The following DAP3 variants were observed in gnomAD, a reference collection of about 807,000 sequenced individuals.
DAP3 encodes the protein death associated protein 3, also known as small ribosomal subunit protein mS29.
In DAP3, 28 loss-of-function variants were observed where a neutral mutation model predicts 51.9. The ratio of observed to expected loss-of-function variants is 0.54; its 90% confidence interval spans 0.40 to 0.74. DAP3 has a LOEUF of 0.74. Among genes scored for constraint, DAP3 ranks in the 30% least tolerant of loss-of-function variants. The probability of loss-of-function intolerance (pLI) is 0.00; values close to 1 mark genes in which losing one functional copy is unlikely to be tolerated. For missense variants in DAP3, 458 were observed against 483.5 expected (o/e 0.95, Z 0.49); for synonymous variants, 170 against 170.3 (o/e 1.00, Z 0.01).
chr1:155,721,438 A>G (rs1658005519), intron 3 of DAP3, 79 bp from the exon 4 acceptor site: 7 of 1,081,528 alleles, frequency 6.5e-6, no homozygotes, highest in Non-Finnish European at 9.8e-6. Flanking sequence ...ATACATATAT[A>G]CACACACATA....
chr1:155,696,993 G>A (rs1023580819), intron 1 of DAP3, among the ~76,000 whole-genome samples: 8 of 152,278 alleles, frequency 5.3e-5, no homozygotes, highest in East Asian at 1.9e-4. Flanking sequence ...CTTGCAAGTC[G>A]GTCAGCATGC....
chr1:155,709,748 T>C (rs1301082967), intron 1 of DAP3, 25 bp from the exon 2 acceptor site: 1 of 1,600,538 alleles, frequency 6.2e-7, no homozygotes, highest in Non-Finnish European at 8.5e-7. Context: ...GGTTTACCTT[T>C]TCACTTTTTT....
At chr1:155,701,032 G>A (rs1163052776) in intron 1 of DAP3, among the ~76,000 whole-genome samples, 2 of 127,808 alleles carry the variant, frequency 1.6e-5, no homozygotes, top group African/African-American at 3.9e-5. Context: ...CCGGCCAGCC[G>A]CCCCCTCCGG....
intron 1 of DAP3, among the ~76,000 whole-genome samples, chr1:155,697,369 C>A (rs551862645): frequency 6.6e-6 from 1 of 152,152 alleles, no homozygotes; most frequent in African/African-American, 2.4e-5. Context: ...GTAGAAATCA[C>A]CTCCGGTATC....
chr1:155,708,553 T>C (rs1043407137), intron 1 of DAP3, among the ~76,000 whole-genome samples: 6 of 146,684 alleles, frequency 4.1e-5, no homozygotes, highest in Non-Finnish European at 9.0e-5. Flanking sequence ...TTTTTTTTTT[T>C]TTTTTTGAGA....
upstream of DAP3, chr1:155,688,251 C>G: frequency 6.2e-7 from 1 of 1,607,868 alleles, no homozygotes; most frequent in Non-Finnish European, 8.5e-7. Context: ...GCTAAAGGGG[C>G]AAACTGAGAG....
At chr1:155,712,167 ATCT>A (rs1164836714) in intron 2 of DAP3, among the ~76,000 whole-genome samples, 1 of 152,222 alleles carries the variant, frequency 6.6e-6, no homozygotes, top group African/African-American at 2.4e-5. Context: ...CATCACGGTG[ATCT>A]TCTAGATTGG....
chr1:155,716,568 A>T (rs1001469721), intron 2 of DAP3, among the ~76,000 whole-genome samples: 4 of 151,076 alleles, frequency 2.6e-5, no homozygotes, highest in Non-Finnish European at 5.9e-5. Flanking sequence ...GTGAGACTCC[A>T]TCTCAAAAAA....
At chr1:155,702,668 A>T (rs1426462562) in intron 1 of DAP3, among the ~76,000 whole-genome samples, 1 of 151,950 alleles carries the variant, frequency 6.6e-6, no homozygotes, top group East Asian at 1.9e-4. Flanking sequence ...CTTGGCATCC[A>T]TGTTGAAAAT....
chr1:155,728,623 G>T (rs1658858175), intron 7 of DAP3, among the ~76,000 whole-genome samples: 1 of 151,940 alleles, frequency 6.6e-6, no homozygotes, highest in African/African-American at 2.4e-5. Flanking sequence ...ATTTTGGGAG[G>T]CCGAGGTGGG....
chr1:155,736,235 G>A (rs1300408663), intron 11 of DAP3, among the ~76,000 whole-genome samples: 1 of 152,094 alleles, frequency 6.6e-6, no homozygotes, highest in Non-Finnish European at 1.5e-5. Context: ...CAGGCGATCT[G>A]CCCTCCTTGG....
chr1:155,711,366 G>A (rs61817763), intron 2 of DAP3, among the ~76,000 whole-genome samples: 19,377 of 151,950 alleles, frequency 0.13, 1,637 homozygotes, highest in Non-Finnish European at 0.19. Context: ...GGTGGCACAC[G>A]CCTGTAATCC....
intron 1 of DAP3, among the ~76,000 whole-genome samples, chr1:155,701,179 G>A (rs1334012204): frequency 1.2e-4 from 13 of 104,452 alleles, no homozygotes; most frequent in East Asian, 2.9e-4. Context: ...TGGGAGGTGT[G>A]CCCAACAGCT....
chr1:155,723,842 G>A (rs960262527), intron 4 of DAP3, among the ~76,000 whole-genome samples: 2 of 151,994 alleles, frequency 1.3e-5, no homozygotes, highest in Non-Finnish European at 2.9e-5. Flanking sequence ...AGTTCAAGAT[G>A]AGCCTGGCCA....
At chr1:155,717,817 A>C (rs1256388873) in intron 3 of DAP3, among the ~76,000 whole-genome samples, 1 of 152,106 alleles carries the variant, frequency 6.6e-6, no homozygotes, top group Admixed American at 6.6e-5. Flanking sequence ...GCAGCATTTA[A>C]AGTGAATTTT....
At chr1:155,689,244 G>C (rs886755965) in intron 1 of DAP3, 70 bp downstream of exon 1, 3 of 682,152 alleles carry the variant, frequency 4.4e-6, no homozygotes, top group Non-Finnish European at 8.0e-6. Context: ...CCTCCAGGAG[G>C]TAGGGAGTGA....
At chr1:155,700,369 A>G (rs535027808) in intron 1 of DAP3, among the ~76,000 whole-genome samples, 1 of 152,378 alleles carries the variant, frequency 6.6e-6, no homozygotes, top group South Asian at 2.1e-4. Flanking sequence ...CCCTTGAAGT[A>G]CAAGTGTCTG....
chr1:155,703,600 T>C (rs895217392), intron 1 of DAP3, among the ~76,000 whole-genome samples: 1 of 152,154 alleles, frequency 6.6e-6, no homozygotes, highest in Non-Finnish European at 1.5e-5. Flanking sequence ...TGCAGTGGCA[T>C]GAACTTGGCT....
Position 155,731,953 on chromosome 1 carries a change from G to A in DAP3, c.913G>A (p.Ala305Thr), listed in dbSNP as rs369936772. 29 of 1,609,220 alleles carry A rather than the reference G, an allele frequency of 1.8e-5. No individual in the cohort carries two copies. The highest frequency in any genetic ancestry group is 1.6e-4 in the Middle Eastern group (1 of 6,072). Residue 305 changes from alanine (A) to threonine (T), a missense_variant, in exon 11 of 13, where the codon GCC becomes ACC. By Grantham distance (58) the Ala-to-Thr change is moderately conservative. Coordinates refer to ENST00000368336, the MANE Select transcript of DAP3 (RefSeq NM_004632.4). The part of the protein sequence containing the change: ...KMMKNDWHGG[A>T]IVSALSQTGS... ...TTCTCTTTTCTTTCAGCATGGAGGC[G>A]CCATTGTGTCGGCTTTGAGCCAGAC...
Sources: allele counts gnomAD v4.1 joint callset (sites outside exome capture counted in the v4.1 genomes callset), GRCh38; gene constraint gnomAD v4.1.1; transcripts MANE v1.5; gene names NCBI Gene and HGNC (gene_info 2026-07-23, HGNC 2026-07-21).